TBC1D14: variants seen among roughly 807,000 people sequenced by gnomAD.
TBC1D14 encodes the protein TBC1 domain family, member 14.
TBC1D14 carries 26 observed loss-of-function variants against 79.0 expected under a neutral mutation model. That is an observed-to-expected ratio of 0.33 (90% CI 0.24 to 0.46). The LOEUF is 0.46. TBC1D14 is among the 20% of genes least tolerant of loss of function. The pLI is 1.00. For missense variants in TBC1D14, 769 were observed against 887.6 expected, an observed-to-expected ratio of 0.87 and a Z score of 1.70; for synonymous variants, 394 against 349.9, an observed-to-expected ratio of 1.13 and a Z score of -1.40.
chr4:6,923,482 A>G lies in TBC1D14; in HGVS notation c.93A>G (p.Gln31=), dbSNP rs1466678744. The G allele has an allele frequency of 1.2e-6, 2 of 1,614,066 alleles. No individual in the cohort carries two copies. Among genetic ancestry groups the G allele is most frequent in the Non-Finnish European group, 8.5e-7 (1 of 1,180,036 alleles). The change falls in exon 2 of 14, where the codon CAA becomes CAG. Residue 31 remains glutamine (Q), a synonymous_variant. Coordinates refer to ENST00000409757, the MANE Select transcript of TBC1D14 (RefSeq NM_020773.3). ...GRPGNPLQNL[Q]HVNLKAPRLL... ...CAGGAAACCCCCTTCAGAACCTGCA[A>G]CACGTCAATCTCAAGGCGCCCCGAC...
chr4:7,011,299 C>T (rs541201552), intron 11 of TBC1D14, among the ~76,000 whole-genome samples: 24 of 151,318 alleles, frequency 1.6e-4, no homozygotes, highest in African/African-American at 5.8e-4. Context: ...GTCTTTATGA[C>T]ACTGCGTAAG....
Position 6,923,996 on chromosome 4 carries a change from G to A in TBC1D14, c.607G>A (p.Val203Ile), listed in dbSNP as rs767532764. The change falls in exon 2 of 14, where the codon GTC becomes ATC. Residue 203 changes from valine (V) to isoleucine (I), a missense_variant. Transcript: ENST00000409757. Reference sequence around the variant, plus strand: ...TGACGATGACCCACAGTTTACCAACGTCACCTTGAGCTCTATCAAGGAAAC... The same window carrying A: ...TGACGATGACCCACAGTTTACCAACATCACCTTGAGCTCTATCAAGGAAAC... Reference protein sequence around the residue: ...ENDDDPQFTNVTLSSIKETRG... With the variant: ...ENDDDPQFTNITLSSIKETRG... 7.4e-6 allele frequency: 12 copies of A among 1,614,034 alleles called. No homozygotes were observed. In the Admixed American group the frequency reaches 8.3e-5, roughly 11 times the overall value.
At chr4:7,022,002 C>T (rs1305750802) in intron 12 of TBC1D14, among the ~76,000 whole-genome samples, 1 of 152,238 alleles carries the variant, frequency 6.6e-6, no homozygotes, top group Non-Finnish European at 1.5e-5. Flanking sequence ...TGGTGTCCCC[C>T]TTCAGTGGCC....
chr4:6,991,339 G>A (rs1280950269), intron 3 of TBC1D14, among the ~76,000 whole-genome samples: 2 of 152,208 alleles, frequency 1.3e-5, no homozygotes, highest in South Asian at 4.1e-4. Flanking sequence ...GTGATGAGGA[G>A]TGTGGCTGCG....
At chr4:6,922,056 TTG>T (rs1160707851) in intron 1 of TBC1D14, among the ~76,000 whole-genome samples, 1 of 151,990 alleles carries the variant, frequency 6.6e-6, no homozygotes, top group African/African-American at 2.4e-5. Flanking sequence ...TTTTGTTTGT[TTG>T]TTTGTTTTTT....
intron 2 of TBC1D14, among the ~76,000 whole-genome samples, chr4:6,953,005 C>G (rs1011284195): frequency 1.4e-5 from 2 of 145,950 alleles, no homozygotes; most frequent in Admixed American, 7.1e-5. Context: ...TCACGCCTAG[C>G]TAACTATTTT....
intron 7 of TBC1D14, among the ~76,000 whole-genome samples, chr4:7,002,612 G>GC (rs557291471): frequency 3.5e-4 from 54 of 152,132 alleles, no homozygotes; most frequent in Non-Finnish European, 7.3e-4. Context: ...AGTGTCAGTG[G>GC]CCCCCGCTAG....
chr4:7,027,771 T>C (rs1722591638), intron 13 of TBC1D14, among the ~76,000 whole-genome samples: 2 of 94,638 alleles, frequency 2.1e-5, no homozygotes, highest in African/African-American at 8.3e-5. Context: ...CCCACACACA[T>C]CACACATCCA....
chr4:6,953,629 CAAAAA>C (rs750667631), intron 2 of TBC1D14, among the ~76,000 whole-genome samples: 6 of 55,038 alleles, frequency 1.1e-4, no homozygotes, highest in Admixed American at 3.0e-4. Flanking sequence ...GACTCCGTCT[CAAAAA>C]AAAAAAAAAA....
chr4:6,921,570 G>A (rs1723862287), intron 1 of TBC1D14, among the ~76,000 whole-genome samples: 3 of 152,030 alleles, frequency 2.0e-5, no homozygotes, highest in Non-Finnish European at 4.4e-5. Flanking sequence ...CTGTCGCCCA[G>A]GCTGGAGTGC....
intron 2 of TBC1D14, among the ~76,000 whole-genome samples, chr4:6,926,156 C>T (rs1724281513): frequency 6.6e-6 from 1 of 152,222 alleles, no homozygotes; most frequent in Non-Finnish European, 1.5e-5. Context: ...TCACCTTTGT[C>T]CTCGCACGTT....
chr4:7,007,132 G>T (rs552953696), intron 9 of TBC1D14, among the ~76,000 whole-genome samples: 11 of 152,320 alleles, frequency 7.2e-5, no homozygotes, highest in African/African-American at 2.6e-4. Context: ...GATGAGCCCA[G>T]TGCAGTGAGC....
At chr4:6,915,409 C>T (rs773422452) in intron 1 of TBC1D14, among the ~76,000 whole-genome samples, 6 of 152,132 alleles carry the variant, frequency 3.9e-5, no homozygotes, top group African/African-American at 9.6e-5. Flanking sequence ...CATCTGGAAA[C>T]GGTAGAACTC....
intron 12 of TBC1D14, among the ~76,000 whole-genome samples, chr4:7,022,080 A>G (rs1481524012): frequency 6.6e-6 from 1 of 152,266 alleles, no homozygotes; most frequent in Non-Finnish European, 1.5e-5. Flanking sequence ...GCTCCTGATA[A>G]TGATGTGGGA....
intron 2 of TBC1D14, among the ~76,000 whole-genome samples, chr4:6,950,545 A>G (rs1241379966): frequency 1.3e-5 from 2 of 151,824 alleles, no homozygotes; most frequent in East Asian, 3.9e-4. Flanking sequence ...GCCATAGGAT[A>G]CCTTTTATCA....
intron 2 of TBC1D14, among the ~76,000 whole-genome samples, chr4:6,929,095 T>C (rs1724512459): frequency 6.6e-6 from 1 of 152,188 alleles, no homozygotes; most frequent in African/African-American, 2.4e-5. Flanking sequence ...CCTGCATTGC[T>C]GCTGGTGTGT....
intron 12 of TBC1D14, among the ~76,000 whole-genome samples, chr4:7,018,892 T>C (rs1364036498): frequency 1.3e-5 from 2 of 152,236 alleles, no homozygotes; most frequent in Non-Finnish European, 2.9e-5. Context: ...GAGGTGTGAG[T>C]GAGCTTTATA....
chr4:6,996,319 G>A lies in TBC1D14; in HGVS notation c.963-6G>A, dbSNP rs1174373397. 2 of 1,612,582 alleles carry A rather than the reference G, an allele frequency of 1.2e-6. No individual in the cohort carries two copies. The highest frequency in any genetic ancestry group is 2.2e-5 in the East Asian group (1 of 44,864). On this transcript the variant is annotated splice_polypyrimidine_tract_variant and splice_region_variant and intron_variant, in intron 4 of 13. Transcript: ENST00000409757. ...AATGGTGAAAACTCATTTCTTTCCT[G>A]TCAAGAAATCTCCCAGCAAAACCAG...
At chr4:7,013,759 T>A (rs906511330) in intron 11 of TBC1D14, among the ~76,000 whole-genome samples, 9 of 125,096 alleles carry the variant, frequency 7.2e-5, no homozygotes, top group African/African-American at 1.2e-4. Context: ...TTTTTTTTTT[T>A]ATGAGATGGA....
Sources: allele counts gnomAD v4.1 joint callset (sites outside exome capture counted in the v4.1 genomes callset), GRCh38; gene constraint gnomAD v4.1.1; transcripts MANE v1.5; gene names NCBI Gene and HGNC (gene_info 2026-07-23, HGNC 2026-07-21).